Variants in UBXN2A observed in about 807,000 individuals in gnomAD.
UBXN2A encodes the protein UBX domain protein 2A, also known as UBX domain-containing protein 2A.
Under a neutral mutation model 28.4 loss-of-function variants are expected in UBXN2A, and 28 were observed. The ratio of observed to expected loss-of-function variants is 0.99; its 90% CI spans 0.73 to 1.35. The LOEUF is 1.35. Ranked by LOEUF, UBXN2A falls within the 40% of genes most tolerant of loss-of-function variation. The pLI is 0.00. For synonymous variants in UBXN2A, 97 were observed against 103.6 expected (o/e 0.94, Z 0.39); for missense variants, 253 against 297.9 (o/e 0.85, Z 1.11).
intron 2 of UBXN2A, among the ~76,000 whole-genome samples, chr2:23,964,134 C>CA (rs70944703): frequency 0.042 from 5,180 of 124,094 alleles, 296 homozygotes; most frequent in African/African-American, 0.15. Flanking sequence ...GATCCTGTCT[C>CA]AAAAAAAAAA....
chr2:23,941,314 G>A (rs1248093770), intron 1 of UBXN2A, among the ~76,000 whole-genome samples: 1 of 152,170 alleles, frequency 6.6e-6, no homozygotes, highest in East Asian at 1.9e-4. Flanking sequence ...AAGTCTGGCC[G>A]GTTGCAGTTT....
chr2:23,962,749 G>T (rs1198220210), intron 2 of UBXN2A, among the ~76,000 whole-genome samples: 1 of 151,940 alleles, frequency 6.6e-6, no homozygotes, highest in African/African-American at 2.4e-5. Flanking sequence ...GGAATTACAG[G>T]CATGTGCAAC....
intron 1 of UBXN2A, among the ~76,000 whole-genome samples, chr2:23,928,111 G>A (rs1017629762): frequency 6.6e-6 from 1 of 151,736 alleles, no homozygotes; most frequent in Non-Finnish European, 1.5e-5. Flanking sequence ...AGAAGATGGA[G>A]GTTGCAGTGA....
chr2:23,927,687 G>A (rs1010724272), intron 1 of UBXN2A: 3 of 152,040 alleles, frequency 2.0e-5, no homozygotes, highest in Admixed American at 2.0e-4. Flanking sequence ...AAGCGAGGCA[G>A]GGTCGTTTTC....
At chr2:23,979,078 C>T (rs1707792004) in intron 4 of UBXN2A, among the ~76,000 whole-genome samples, 1 of 151,916 alleles carries the variant, frequency 6.6e-6, no homozygotes, top group African/African-American at 2.4e-5. Context: ...GGCATGGTGG[C>T]TCATACCTAA....
At chr2:23,988,677 T>C (rs1477435265) in intron 6 of UBXN2A, among the ~76,000 whole-genome samples, 1 of 152,210 alleles carries the variant, frequency 6.6e-6, no homozygotes, top group Non-Finnish European at 1.5e-5. Flanking sequence ...CATTTTCCCT[T>C]TGTAATTAAT....
intron 1 of UBXN2A, among the ~76,000 whole-genome samples, chr2:23,945,584 A>G (rs564901692): frequency 6.6e-6 from 1 of 152,212 alleles, no homozygotes; most frequent in South Asian, 2.1e-4. Context: ...CTCGTGTTTA[A>G]TACCTGGAAT....
chr2:23,969,680 A>C (rs1707331227), intron 2 of UBXN2A, among the ~76,000 whole-genome samples: 1 of 152,152 alleles, frequency 6.6e-6, no homozygotes, highest in South Asian at 2.1e-4. Context: ...CATTTTTAAA[A>C]TTCAGCCAGC....
chr2:23,959,846 T>G (rs946657713), intron 2 of UBXN2A, among the ~76,000 whole-genome samples: 34 of 152,118 alleles, frequency 2.2e-4, no homozygotes, highest in African/African-American at 8.2e-4. Context: ...ATCCTAAAAT[T>G]TCAGGCTATC....
At chr2:23,976,691 C>A (rs1010625776) in intron 3 of UBXN2A, among the ~76,000 whole-genome samples, 1 of 152,142 alleles carries the variant, frequency 6.6e-6, no homozygotes, top group African/African-American at 2.4e-5. Context: ...CACGGGAATT[C>A]TGGGAGATAC....
chr2:23,969,570 C>T (rs1573572573), intron 2 of UBXN2A, among the ~76,000 whole-genome samples: 2 of 152,054 alleles, frequency 1.3e-5, no homozygotes, highest in African/African-American at 4.8e-5. Context: ...ACCACGTTGG[C>T]CAGAATGGTC....
At position 24,003,724 on chromosome 2, in the gene UBXN2A, CAAAAAAAAA is replaced by C. The variant is rs557412114; in HGVS notation, c.*3869_*3877del. Reference sequence around the variant, plus strand: ...AGTGAAACAAAAATAATGTTCTTACCAAAAAAAAAAAAAAAAAAAAGAGGCAATGATAAA... The same window carrying C: ...AGTGAAACAAAAATAATGTTCTTACCAAAAAAAAAAAGAGGCAATGATAAA... On this transcript the variant is annotated 3_prime_UTR_variant, in exon 7 of 7. Transcript: ENST00000309033. The C allele has an allele frequency of 2.4e-5, 1 of 42,330 alleles. No individual in the cohort carries two copies. The highest frequency in any genetic ancestry group is 4.9e-5 in the Non-Finnish European group (1 of 20,424). 2.6% of individuals were successfully genotyped at this position (42,330 alleles called of 1,614,324 possible).
chr2:23,933,304 C>T (rs1705430434), intron 1 of UBXN2A, among the ~76,000 whole-genome samples: 1 of 151,714 alleles, frequency 6.6e-6, no homozygotes, highest in Non-Finnish European at 1.5e-5. Context: ...GTCAGGAGTT[C>T]GAGACCAGCC....
intron 6 of UBXN2A, among the ~76,000 whole-genome samples, chr2:23,988,931 T>G (rs931419231): frequency 6.6e-6 from 1 of 152,224 alleles, no homozygotes; most frequent in African/African-American, 2.4e-5. Context: ...GAACATTTCC[T>G]TGTTTTCAGC....
At chr2:23,994,465 A>G (rs1457496901) in intron 6 of UBXN2A, among the ~76,000 whole-genome samples, 3 of 152,048 alleles carry the variant, frequency 2.0e-5, no homozygotes, top group Admixed American at 1.3e-4. Context: ...TGTATCTTAT[A>G]TTCTTTTCTA....
chr2:23,928,241 A>G (rs1211093098), intron 1 of UBXN2A, among the ~76,000 whole-genome samples: 1 of 150,488 alleles, frequency 6.6e-6, no homozygotes, highest in Non-Finnish European at 1.5e-5. Context: ...AAAGAAAAAG[A>G]AAGAAAGAAA....
intron 1 of UBXN2A, among the ~76,000 whole-genome samples, chr2:23,950,695 C>T (rs7581107): frequency 0.12 from 18,277 of 150,218 alleles, 1,190 homozygotes; most frequent in Middle Eastern, 0.23. Context: ...TGAGCCTCTG[C>T]GCCTGGCCTA....
In UBXN2A at chr2:23,980,696, C is replaced by T. The variant is rs563840823; in HGVS notation, c.288-2200C>T. ...AGGCTGGAGTGCAGTGGCATGATCT[C>T]GGCTCACTGTAACCTCCGCCTCCCA... On this transcript the variant is annotated intron_variant, in intron 4 of 6. Coordinates refer to ENST00000309033, the MANE Select transcript of UBXN2A (RefSeq NM_181713.4). Among the ~76,000 whole-genome samples the T allele has an allele frequency of 3.3e-3, 508 of 152,192 alleles. 3 individuals carry two copies. The highest frequency in any genetic ancestry group is 0.012 in the African/African-American group (488 of 41,526).
chr2:23,959,979 G>A (rs148253350), intron 2 of UBXN2A, among the ~76,000 whole-genome samples: 2,243 of 152,192 alleles, frequency 0.015, 28 homozygotes, highest in Non-Finnish European at 0.024. Flanking sequence ...GCGGCCGGGC[G>A]CAGTGCCTCA....
Sources: allele counts gnomAD v4.1 joint callset (sites outside exome capture counted in the v4.1 genomes callset), GRCh38; gene constraint gnomAD v4.1.1; transcripts MANE v1.5; gene names NCBI Gene and HGNC (gene_info 2026-07-23, HGNC 2026-07-21).